GLIS1: variants seen among roughly 807,000 people sequenced by gnomAD.
GLIS1 encodes GLIS family zinc finger 1.
Under a neutral mutation model 63.8 loss-of-function variants are expected in GLIS1, and 24 were observed. The ratio of observed to expected loss-of-function variants is 0.38; its 90% CI spans 0.27 to 0.53. GLIS1 has a LOEUF of 0.53. Ranked by LOEUF, GLIS1 falls within the 20% of genes least tolerant of loss-of-function variation. The probability of loss-of-function intolerance (pLI) is 0.85; values close to 1 mark genes in which losing one functional copy is unlikely to be tolerated. For synonymous variants in GLIS1, 450 were observed against 482.5 expected (o/e 0.93, Z 0.88); for missense variants, 1,036 against 1,074.1 (o/e 0.96, Z 0.50).
At chr1:53,506,802 C>T (rs749269343) in intron 10 of GLIS1, 26 bp from the exon 11 acceptor site, 33 of 1,598,142 alleles carry the variant, frequency 2.1e-5, no homozygotes, top group Admixed American at 6.7e-5. Flanking sequence ...AAAGGGTCAG[C>T]GCTGGAGGCA....
intron 4 of GLIS1, among the ~76,000 whole-genome samples, chr1:53,566,493 T>A (rs930981998): frequency 6.6e-6 from 1 of 152,236 alleles, no homozygotes; most frequent in Non-Finnish European, 1.5e-5. Flanking sequence ...TCATTTACAT[T>A]AGCACCCCTA....
In GLIS1 at chr1:53,509,993, G is replaced by A. The variant is rs1353387390; in HGVS notation, c.1918C>T (p.Pro640Ser). Reference sequence around the variant, plus strand: ...GGCGGTGGCCCCAGCCCCTTCAGGGGGCTGACTATTGGTGAGAGGAGGCCG... The same window carrying A: ...GGCGGTGGCCCCAGCCCCTTCAGGGAGCTGACTATTGGTGAGAGGAGGCCG... The part of the protein sequence containing the change: ...GPGLLSPIVS[P>S]LKGLGPPPLP... The change falls in exon 9 of 11, where the codon CCC becomes TCC. Residue 640 changes from proline (P) to serine (S), a missense_variant. By Grantham distance (74) the Pro-to-Ser change is moderately conservative. Transcript: ENST00000628545. 2 of 1,286,098 alleles carry A rather than the reference G, an allele frequency of 1.6e-6. No individual in the cohort carries two copies. Among genetic ancestry groups the A allele is most frequent in the Middle Eastern group, 2.2e-4 (1 of 4,518 alleles). The allele number at this position is 1,286,098 out of a possible 1,614,324, so 79.7% of individuals were successfully genotyped here.
At chr1:53,508,976 A>G (rs1644266870) in intron 10 of GLIS1, 144 bp downstream of exon 10, 1 of 790,444 alleles carries the variant, frequency 1.3e-6, no homozygotes, top group Non-Finnish European at 1.9e-6. Flanking sequence ...GACCTCTCTG[A>G]GCCTCTACTT....
chr1:53,558,043 T>C (rs1306163310), intron 4 of GLIS1, among the ~76,000 whole-genome samples: 1 of 152,234 alleles, frequency 6.6e-6, no homozygotes, highest in East Asian at 1.9e-4. Flanking sequence ...CTCTGGATGA[T>C]GAGAGATGAG....
At chr1:53,601,279 G>A (rs1266134891) in intron 2 of GLIS1, among the ~76,000 whole-genome samples, 1 of 152,196 alleles carries the variant, frequency 6.6e-6, no homozygotes, top group Non-Finnish European at 1.5e-5. Flanking sequence ...GCCTCTGAGA[G>A]CAGGGGCACA....
intron 2 of GLIS1, among the ~76,000 whole-genome samples, chr1:53,705,940 C>A (rs1646574873): frequency 6.6e-6 from 1 of 152,194 alleles, no homozygotes; most frequent in Non-Finnish European, 1.5e-5. Context: ...CCTTGCTGAC[C>A]ATCTGCTGTC....
In GLIS1 at chr1:53,560,959, A is replaced by C. The variant is rs1169327400; in HGVS notation, c.1321-31007T>G. Among the ~76,000 whole-genome samples, 1 of 152,136 alleles carries C rather than the reference A, an allele frequency of 6.6e-6. No homozygotes were observed. The highest frequency in any genetic ancestry group is 1.5e-5 in the Non-Finnish European group (1 of 68,018). ...AGAGAGGAGGCCGGGCCCACACTGG[A>C]TGTCCGCTCCCTTCAGGATCTCCAA... On this transcript the variant is annotated intron_variant, in intron 4 of 10. Transcript: ENST00000628545. This position sits in a 1 kb window ranked among gnomAD's most constrained non-coding sequence, Gnocchi z 4.4.
chr1:53,521,600 T>C (rs1392332802), intron 6 of GLIS1, among the ~76,000 whole-genome samples: 1 of 152,144 alleles, frequency 6.6e-6, no homozygotes, highest in African/African-American at 2.4e-5. Context: ...TTGGAAGTGC[T>C]GTAGTAGGGG....
At chr1:53,512,487 G>T (rs1435716348) in intron 8 of GLIS1, among the ~76,000 whole-genome samples, 1 of 152,134 alleles carries the variant, frequency 6.6e-6, no homozygotes, top group African/African-American at 2.4e-5. Context: ...CTATTTAAAC[G>T]TCCCAGCAAA....
At chr1:53,565,298 A>T (rs1409306575) in intron 4 of GLIS1, among the ~76,000 whole-genome samples, 2 of 152,076 alleles carry the variant, frequency 1.3e-5, no homozygotes, top group African/African-American at 4.8e-5. Flanking sequence ...AAAGGCTGAA[A>T]ATTAATGTGC....
chr1:53,578,955 C>G (rs1645058392), intron 4 of GLIS1, among the ~76,000 whole-genome samples: 1 of 151,862 alleles, frequency 6.6e-6, no homozygotes, highest in African/African-American at 2.4e-5. Context: ...GCCCCAGGAT[C>G]TGCAGGCCTT....
chr1:53,612,614 C>T (rs190917766), intron 2 of GLIS1, among the ~76,000 whole-genome samples: 1 of 152,194 alleles, frequency 6.6e-6, no homozygotes, highest in East Asian at 1.9e-4. Flanking sequence ...TCTCAGTAGC[C>T]CTTAACTCCA....
At chr1:53,698,372 C>T (rs1219757915) in intron 2 of GLIS1, among the ~76,000 whole-genome samples, 1 of 152,238 alleles carries the variant, frequency 6.6e-6, no homozygotes, top group Non-Finnish European at 1.5e-5. Context: ...CGAGCCTCTG[C>T]TTCTACATCC....
In GLIS1 at chr1:53,594,112, C is replaced by A; in HGVS notation, c.1316G>T (p.Cys439Phe). The change falls in exon 4 of 11, where the codon TGC becomes TTC. Residue 439 changes from cysteine to phenylalanine, a missense_variant. Physicochemically the swap from Cys to Phe is radical, Grantham distance 205. Transcript: ENST00000628545. ...RVHSGEKPNKCMFEGCSKAFS... is the reference protein window; with the variant it reads ...RVHSGEKPNKFMFEGCSKAFS... ...TGGCGGCCGGTGGGAACTCACCATGCACTTGTTGGGCTTCTCGCCCGAGTG... is the reference window on the plus strand; with the variant it reads ...TGGCGGCCGGTGGGAACTCACCATGAACTTGTTGGGCTTCTCGCCCGAGTG... 6.2e-7 allele frequency: 1 copy of A among 1,607,574 alleles called. No individual in the cohort carries two copies. Among genetic ancestry groups the A allele is most frequent in the South Asian group, 1.1e-5 (1 of 90,596 alleles).
chr1:53,648,865 G>A (rs1054117984), intron 2 of GLIS1, among the ~76,000 whole-genome samples: 1 of 152,140 alleles, frequency 6.6e-6, no homozygotes, highest in Non-Finnish European at 1.5e-5. Flanking sequence ...GCCATGAGTG[G>A]GGCTCTTCCG....
chr1:53,625,460 C>T (rs903432655), intron 2 of GLIS1, among the ~76,000 whole-genome samples: 12 of 152,160 alleles, frequency 7.9e-5, no homozygotes. Flanking sequence ...TCATAGATTC[C>T]ATAGCTCGGC....
rs150846140 is a variant in GLIS1, at chr1:53,689,200, G to A, written c.259+48606C>T. Among the ~76,000 whole-genome samples the A allele has an allele frequency of 1.2e-4, 18 of 152,344 alleles. No homozygotes were observed. The East Asian group carries it at 2.5e-3, about 21-fold the overall frequency. On this transcript the variant is annotated intron_variant, in intron 2 of 10. Transcript: ENST00000628545. The stretch of plus-strand genomic sequence containing the variant: ...AACAGTCATTAGAAAGAGAGACGTG[G>A]AGAGTTTCAATTCAGAGCAGTAAGT...
chr1:53,730,457 A>G (rs1236712677), intron 2 of GLIS1, among the ~76,000 whole-genome samples: 1 of 152,234 alleles, frequency 6.6e-6, no homozygotes, highest in African/African-American at 2.4e-5. Context: ...AGCTTAAAAC[A>G]GCAAATGGGA....
chr1:53,715,083 G>GT lies in GLIS1; in HGVS notation c.259+22722dup, dbSNP rs568707330. Among the ~76,000 whole-genome samples, 165 of 152,154 alleles carry GT rather than the reference G, an allele frequency of 1.1e-3. 1 individual carries two copies. The highest frequency in any genetic ancestry group is 1.3e-3 in the Non-Finnish European group (91 of 67,990). ...AGGTGCATGCCACCAGGTTCACTTA[G>GT]TTTTTTTATTTTTTGTAGCAACAGG... On this transcript the variant is annotated intron_variant, in intron 2 of 10. Coordinates refer to ENST00000628545, the MANE Select transcript of GLIS1 (RefSeq NM_001367484.1).
Sources: gnomAD v4.1 joint callset for allele counts (sites outside exome capture counted in the v4.1 genomes callset) on GRCh38, gnomAD v4.1.1 for gene constraint, Gnocchi (gnomAD v3.1) non-coding constraint, MANE v1.5 for transcripts, NCBI Gene and HGNC (gene_info 2026-07-23, HGNC 2026-07-21) for gene names.